CTNNA2: variants seen among roughly 807,000 people sequenced by gnomAD.
CTNNA2 encodes the protein catenin alpha 2.
Under a neutral mutation model 101.0 loss-of-function variants are expected in CTNNA2, and 42 were observed. The observed-to-expected ratio is 0.42, with a 90% confidence interval of 0.32 to 0.54. The LOEUF is 0.54. CTNNA2 is among the 20% of genes least tolerant of loss of function. CTNNA2 has a pLI of 0.14. For synonymous variants in CTNNA2, 450 were observed against 456.4 expected, an observed-to-expected ratio of 0.99 and a Z score of 0.18; for missense variants, 871 against 1,223.1, an observed-to-expected ratio of 0.71 and a Z score of 4.29.
At chr2:80,015,010 G>A (rs1440534781) in intron 7 of CTNNA2, among the ~76,000 whole-genome samples, 1 of 152,154 alleles carries the variant, frequency 6.6e-6, no homozygotes, top group East Asian at 1.9e-4. Flanking sequence ...ACCATCCTCA[G>A]CCAAACTGGA....
At chr2:79,455,145 A>G (rs752924513) in intron 4 of CTNNA2, among the ~76,000 whole-genome samples, 4 of 152,248 alleles carry the variant, frequency 2.6e-5, no homozygotes, top group Non-Finnish European at 4.4e-5. Flanking sequence ...TATGCTCATC[A>G]TGCATTACAA....
chr2:79,582,252 AC>A (rs1676193386), intron 1 of CTNNA2, among the ~76,000 whole-genome samples: 1 of 152,234 alleles, frequency 6.6e-6, no homozygotes, highest in African/African-American at 2.4e-5. Flanking sequence ...ATTTCCAGGC[AC>A]AAGGTAAATA....
chr2:79,975,885 C>T (rs1229021016), intron 7 of CTNNA2, among the ~76,000 whole-genome samples: 1 of 152,176 alleles, frequency 6.6e-6, no homozygotes, highest in African/African-American at 2.4e-5. Flanking sequence ...CTGGGAACTT[C>T]ATTATGTAGA....
chr2:79,255,576 G>A (rs1573001153), intron 2 of CTNNA2, among the ~76,000 whole-genome samples: 1 of 152,060 alleles, frequency 6.6e-6, no homozygotes, highest in African/African-American at 2.4e-5. Flanking sequence ...CTGGAGAGGT[G>A]GTCGTGGAAG....
intron 3 of CTNNA2, among the ~76,000 whole-genome samples, chr2:79,337,285 AC>A (rs1041892866): frequency 3.3e-5 from 5 of 152,130 alleles, no homozygotes; most frequent in African/African-American, 1.2e-4. Flanking sequence ...CCTACCCAAA[AC>A]ACACCGTGGG....
chr2:79,463,154 G>A (rs1197433852), intron 4 of CTNNA2, among the ~76,000 whole-genome samples: 1 of 152,178 alleles, frequency 6.6e-6, no homozygotes, highest in East Asian at 1.9e-4. Flanking sequence ...GCTCATGCCT[G>A]TAATCCCACC....
At chr2:79,726,270 A>G (rs1007301827) in intron 2 of CTNNA2, among the ~76,000 whole-genome samples, 3 of 152,142 alleles carry the variant, frequency 2.0e-5, no homozygotes, top group African/African-American at 7.2e-5. Context: ...TATATATGTT[A>G]TATTTCATTT....
chr2:79,650,966 T>C (rs1229648067), intron 1 of CTNNA2, among the ~76,000 whole-genome samples: 1 of 152,070 alleles, frequency 6.6e-6, no homozygotes, highest in African/African-American at 2.4e-5. Flanking sequence ...GGACATGAAC[T>C]CATCATTTTT....
At chr2:80,441,032 A>G (rs1403496625) in intron 9 of CTNNA2, among the ~76,000 whole-genome samples, 2 of 152,202 alleles carry the variant, frequency 1.3e-5, no homozygotes, top group Non-Finnish European at 1.5e-5. Context: ...CAATGTGGCC[A>G]AACATGCACT....
At chr2:79,482,787 T>C (rs1236030343) in intron 4 of CTNNA2, among the ~76,000 whole-genome samples, 3 of 152,206 alleles carry the variant, frequency 2.0e-5, no homozygotes, top group African/African-American at 7.2e-5. Flanking sequence ...TCAGTCAGGA[T>C]AGACTAGAAT....
intron 9 of CTNNA2, among the ~76,000 whole-genome samples, chr2:80,456,857 G>T (rs568780092): frequency 1.3e-5 from 2 of 152,286 alleles, no homozygotes; most frequent in Admixed American, 1.3e-4. Flanking sequence ...AGGGAATAAA[G>T]AGAGGTTGGT....
chr2:79,751,057 T>A (rs1185088472), intron 3 of CTNNA2, among the ~76,000 whole-genome samples: 2 of 152,070 alleles, frequency 1.3e-5, no homozygotes, highest in Non-Finnish European at 2.9e-5. Context: ...GTTAAATATT[T>A]CAGGAGTTGT....
intron 9 of CTNNA2, among the ~76,000 whole-genome samples, chr2:80,449,987 A>G (rs1320579622): frequency 6.6e-6 from 1 of 152,236 alleles, no homozygotes; most frequent in Non-Finnish European, 1.5e-5. Flanking sequence ...AAATTTGAAG[A>G]ATAAATTGAT....
intron 7 of CTNNA2, among the ~76,000 whole-genome samples, chr2:80,057,162 A>G (rs183448836): frequency 1.2e-3 from 185 of 150,040 alleles, no homozygotes; most frequent in African/African-American, 4.4e-3. Flanking sequence ...ATGGGATAAG[A>G]AGTATATAAG....
chr2:79,903,380 A>G (rs1053099037), intron 6 of CTNNA2, among the ~76,000 whole-genome samples: 2 of 151,974 alleles, frequency 1.3e-5, no homozygotes, highest in Admixed American at 1.3e-4. Flanking sequence ...CTTAGCTGCA[A>G]TAAGAAACTG....
intron 7 of CTNNA2, among the ~76,000 whole-genome samples, chr2:80,027,202 G>C (rs1244525477): frequency 6.6e-6 from 1 of 152,208 alleles, no homozygotes; most frequent in Admixed American, 6.5e-5. Context: ...TCCACCTTCA[G>C]GAGTTAGTGG....
chr2:80,408,690 A>G (rs952925110), intron 8 of CTNNA2, among the ~76,000 whole-genome samples: 3 of 152,106 alleles, frequency 2.0e-5, no homozygotes, highest in South Asian at 4.2e-4. Flanking sequence ...GGAGCAAGCA[A>G]TGGTGGTTGG....
intron 6 of CTNNA2, among the ~76,000 whole-genome samples, chr2:79,882,356 C>G (rs753382095): frequency 2.6e-5 from 4 of 152,198 alleles, no homozygotes; most frequent in Admixed American, 6.5e-5. Flanking sequence ...CACCCCTCCC[C>G]CTAGGGGCTC....
intron 3 of CTNNA2, among the ~76,000 whole-genome samples, chr2:79,759,433 T>C (rs116087485): frequency 0.017 from 2,534 of 152,178 alleles, 62 homozygotes; most frequent in African/African-American, 0.059. Flanking sequence ...TTGATGCTTA[T>C]GAATGGTCAC....
Sources: gnomAD v4.1 joint callset for allele counts (sites outside exome capture counted in the v4.1 genomes callset) on GRCh38, gnomAD v4.1.1 for gene constraint, MANE v1.5 for transcripts, NCBI Gene and HGNC (gene_info 2026-07-23, HGNC 2026-07-21) for gene names.